The following FBRSL1 variants were observed in gnomAD, a reference collection of about 807,000 sequenced individuals.
FBRSL1 encodes the protein fibrosin like 1, also known as fibrosin-1-like protein.
A neutral mutation model predicts 89.6 loss-of-function variants in FBRSL1; 51 were observed. That is an observed-to-expected ratio of 0.57 (90% confidence interval 0.45 to 0.72). The LOEUF (loss-of-function observed/expected upper bound fraction) is 0.72. Ranked by LOEUF, FBRSL1 falls within the 30% of genes least tolerant of loss-of-function variation. The pLI is 0.00. For missense variants in FBRSL1, 1,618 were observed against 1,451.8 expected (o/e 1.11, Z -1.86); for synonymous variants, 779 against 681.1 (o/e 1.14, Z -2.24).
intron 5 of FBRSL1, among the ~76,000 whole-genome samples, chr12:132,561,412 GTGTT>G (rs2039114893): frequency 6.6e-6 from 1 of 151,368 alleles, no homozygotes; most frequent in Non-Finnish European, 1.5e-5. Flanking sequence ...ACCCACTAGA[GTGTT>G]TGGGTCCCAG....
At chr12:132,511,606 T>G (rs1032110858) in intron 2 of FBRSL1, 1 of 985,632 alleles carries the variant, frequency 1.0e-6, no homozygotes, top group East Asian at 1.1e-4. Flanking sequence ...GTTGACCACC[T>G]GGACCCCTGC....
rs138797626 is a variant in FBRSL1, at chr12:132,500,141, G to A, written c.292-8012G>A. On this transcript the variant is annotated intron_variant, in intron 1 of 18. Coordinates refer to ENST00000680143, the MANE Select transcript of FBRSL1 (RefSeq NM_001367871.1). ...CTAGACTCTGCGGGAGCCATCAAGC[G>A]TCTGGGGCTGGGAGCCGCACGCCGT... Among the ~76,000 whole-genome samples the A allele has an allele frequency of 2.6e-3, 400 of 152,316 alleles. 1 individual carries two copies. The highest frequency in any genetic ancestry group is 9.3e-3 in the African/African-American group (385 of 41,574).
rs1593283329 is a variant in FBRSL1 at position 132,510,134 on chromosome 12, G to A, written c.489+1784G>A. 1.8e-5 allele frequency: 22 copies of A among 1,224,354 alleles called. 1 individual carries two copies. In the East Asian group the frequency reaches 5.4e-4, roughly 30 times the overall value. The allele number at this position is 1,224,354 out of a possible 1,614,324, so 75.8% of individuals were successfully genotyped here. A position where few individuals can be genotyped will look rare whatever the true frequency, so the allele number is the denominator to read the frequency against. On this transcript the variant is annotated intron_variant, in intron 2 of 18. Transcript: ENST00000680143. ...AGCAGCCCTGCCCACCCAAGCGGCC[G>A]CTCATGGGCCCAGAGCAGCCCTGCC...
At position 132,500,858 on chromosome 12, in the gene FBRSL1, G is replaced by A. The variant is rs570800670; in HGVS notation, c.292-7295G>A. Among the ~76,000 whole-genome samples the A allele has an allele frequency of 7.2e-5, 11 of 152,334 alleles. 1 individual carries two copies. The East Asian group carries it at 1.9e-3, about 27-fold the overall frequency. On this transcript the variant is annotated intron_variant, in intron 1 of 18. Coordinates refer to ENST00000680143, the MANE Select transcript of FBRSL1 (RefSeq NM_001367871.1). The stretch of plus-strand genomic sequence containing the variant: ...CCTCTCTAACCTCTCCTGCCGCAGT[G>A]TCCCCCACAGCCCTTGGCCCCTGCC...
intron 2 of FBRSL1, among the ~76,000 whole-genome samples, chr12:132,523,088 A>G (rs935417717): frequency 6.6e-6 from 1 of 152,050 alleles, no homozygotes; most frequent in African/African-American, 2.4e-5. Flanking sequence ...CCTCCAGGGC[A>G]AAAGGGGCCC....
intron 2 of FBRSL1, among the ~76,000 whole-genome samples, chr12:132,523,366 C>A (rs766199367): frequency 2.0e-5 from 3 of 152,146 alleles, no homozygotes; most frequent in Non-Finnish European, 4.4e-5. Flanking sequence ...GGGGAAGAGA[C>A]CCCACCCCAC....
At chr12:132,581,603 C>T in intron 16 of FBRSL1, 87 bp downstream of exon 16, 2 of 1,510,086 alleles carry the variant, frequency 1.3e-6, no homozygotes, top group Non-Finnish European at 1.8e-6. Flanking sequence ...GGAAGGTGGC[C>T]CCGAGCCCCA....
intron 2 of FBRSL1, chr12:132,510,832 C>T (rs1345244850): frequency 1.2e-5 from 13 of 1,086,422 alleles, no homozygotes; most frequent in East Asian, 6.1e-5. Context: ...GGGGGCCCCT[C>T]AGCGTCTTTC....
intron 1 of FBRSL1, among the ~76,000 whole-genome samples, chr12:132,504,333 C>T (rs2033405393): frequency 6.6e-6 from 1 of 152,182 alleles, no homozygotes; most frequent in South Asian, 2.1e-4. Flanking sequence ...GTTATTGGTG[C>T]TGTATGGTAA....
In FBRSL1 at chr12:132,495,033, A is replaced by G. The variant is rs60901971; in HGVS notation, c.291+4172A>G. Among the ~76,000 whole-genome samples, 5,741 of 152,304 alleles carry G rather than the reference A, an allele frequency of 0.038. 512 individuals are homozygous for G. The East Asian group carries it at 0.39, about 10-fold the overall frequency. On this transcript the variant is annotated intron_variant, in intron 1 of 18. Coordinates refer to ENST00000680143, the MANE Select transcript of FBRSL1 (RefSeq NM_001367871.1). ...CTGTGACCCCTGCTGAAAATGGCCC[A>G]GAACCCTGGTGGGCATAGGGTGTGA...
intron 1 of FBRSL1, among the ~76,000 whole-genome samples, chr12:132,494,470 T>C (rs762680381): frequency 1.5e-4 from 23 of 152,238 alleles, no homozygotes; most frequent in Non-Finnish European, 3.4e-4. Context: ...AGGCCAGGCC[T>C]GCTTAGCCCA....
At chr12:132,543,690 T>C (rs1039091078) in intron 4 of FBRSL1, among the ~76,000 whole-genome samples, 3 of 152,206 alleles carry the variant, frequency 2.0e-5, no homozygotes, top group Non-Finnish European at 2.9e-5. Context: ...GGTGAGGGTC[T>C]GGGAAGGCCG....
chr12:132,520,016 G>A (rs1200402108), intron 2 of FBRSL1, among the ~76,000 whole-genome samples: 3 of 151,934 alleles, frequency 2.0e-5, no homozygotes, highest in Non-Finnish European at 2.9e-5. Flanking sequence ...AGGAAGTTGG[G>A]CCCCTCTTCC....
intron 5 of FBRSL1, among the ~76,000 whole-genome samples, chr12:132,549,734 C>T (rs2037989743): frequency 6.6e-6 from 1 of 152,176 alleles, no homozygotes; most frequent in Non-Finnish European, 1.5e-5. Flanking sequence ...AGGCTGACAG[C>T]CGCCCCCATA....
chr12:132,544,654 G>C (rs549100387), intron 4 of FBRSL1, among the ~76,000 whole-genome samples: 3 of 152,118 alleles, frequency 2.0e-5, no homozygotes, highest in African/African-American at 7.2e-5. Context: ...ACGTGAGGAC[G>C]GCGATACTGA....
In FBRSL1 at chr12:132,520,049, C is replaced by A. The variant is rs117708176; in HGVS notation, c.490-5685C>A. On this transcript the variant is annotated intron_variant, in intron 2 of 18. Transcript: ENST00000680143. ...TCCAGTGCCCCCACCAGCAGGTACA[C>A]AGCCTTCCTCGCACTCCTCCAGCAC... 1.5e-4 allele frequency among the ~76,000 whole-genome samples: 23 copies of A among 151,956 alleles called. No individual in the cohort carries two copies. In the East Asian group the frequency reaches 4.5e-3, roughly 29 times the overall value.
rs748952601 is a variant in FBRSL1 at position 132,570,166 on chromosome 12, C to T, written c.932C>T (p.Pro311Leu). 352 of 1,502,050 alleles carry T rather than the reference C, an allele frequency of 2.3e-4. 2 individuals carry two copies. Among genetic ancestry groups the T allele is most frequent in the Middle Eastern group, 7.5e-4 (4 of 5,300 alleles). The allele number at this position is 1,502,050 out of a possible 1,614,324, so 93.0% of individuals were successfully genotyped here. ...CCCCCGCAGCCCCGCGGCCTGCTCC[C>T]GACACACGTGCCTGCATCCCTGGGC... ...PPPPQPRGLL[P>L]THVPASLGAF... Residue 311 changes from proline to leucine, a missense_variant, in exon 7 of 19, where the codon CCG becomes CTG. By Grantham distance (98) the Pro-to-Leu change is moderately conservative. Coordinates refer to ENST00000680143, the MANE Select transcript of FBRSL1 (RefSeq NM_001367871.1).
At chr12:132,492,201 G>A (rs890966099) in intron 1 of FBRSL1, among the ~76,000 whole-genome samples, 2 of 152,202 alleles carry the variant, frequency 1.3e-5, no homozygotes. Flanking sequence ...GCACCTCCTG[G>A]GTCCCTAACC....
chr12:132,529,214 A>G (rs1160641717), intron 4 of FBRSL1, among the ~76,000 whole-genome samples: 2 of 152,184 alleles, frequency 1.3e-5, no homozygotes, highest in African/African-American at 4.8e-5. Context: ...AGCTTTTTAT[A>G]GGGTGTGTAA....
Sources: gnomAD v4.1 joint callset for allele counts (sites outside exome capture counted in the v4.1 genomes callset) on GRCh38, gnomAD v4.1.1 for gene constraint, MANE v1.5 for transcripts, NCBI Gene and HGNC (gene_info 2026-07-23, HGNC 2026-07-21) for gene names.